Variants in RSPRY1 observed in about 807,000 individuals in gnomAD.
RSPRY1 encodes the protein RING finger and SPRY domain-containing protein 1.
In RSPRY1, 23 loss-of-function variants were observed where a neutral mutation model predicts 73.1. That is an observed-to-expected ratio of 0.31 (90% CI 0.23 to 0.45). The LOEUF (loss-of-function observed/expected upper bound fraction) is 0.45, where lower values mean the gene tolerates loss of function less well. Ranked by LOEUF, RSPRY1 falls within the 20% of genes least tolerant of loss-of-function variation. RSPRY1 has a pLI of 1.00. For missense variants in RSPRY1, 448 were observed against 698.7 expected (o/e 0.64, Z 4.05); for synonymous variants, 226 against 251.4 (o/e 0.90, Z 0.95).
intron 3 of RSPRY1, among the ~76,000 whole-genome samples, chr16:57,208,400 A>ATTT (rs1455912780): frequency 5.6e-4 from 28 of 50,118 alleles, no homozygotes; most frequent in African/African-American, 1.6e-3. Context: ...ATATATATAT[A>ATTT]TTTTTTTTTT....
At chr16:57,236,252 A>C (rs143640298) in intron 14 of RSPRY1, among the ~76,000 whole-genome samples, 1 of 152,318 alleles carries the variant, frequency 6.6e-6, no homozygotes, top group African/African-American at 2.4e-5. Context: ...GGTCTTAATC[A>C]TCTTTGAGCT....
At chr16:57,222,165 C>A (rs2075048291) in intron 10 of RSPRY1, among the ~76,000 whole-genome samples, 1 of 152,166 alleles carries the variant, frequency 6.6e-6, no homozygotes, top group Admixed American at 6.5e-5. Flanking sequence ...ATAATAGCCC[C>A]CCCCTCCAAT....
chr16:57,224,405 C>T (rs979575536), intron 10 of RSPRY1: 16 of 152,232 alleles, frequency 1.1e-4, no homozygotes, highest in African/African-American at 3.4e-4. Flanking sequence ...AGGAGAGTGT[C>T]CACCACGTGG....
intron 1 of RSPRY1, among the ~76,000 whole-genome samples, chr16:57,193,470 G>T (rs1408770742): frequency 1.3e-5 from 2 of 149,298 alleles, no homozygotes; most frequent in African/African-American, 4.9e-5. Context: ...GAAGATTGTG[G>T]TCTTTGGGGT....
chr16:57,187,158 C>T (rs2074230443), intron 1 of RSPRY1: 1 of 152,116 alleles, frequency 6.6e-6, no homozygotes, highest in African/African-American at 2.4e-5. Flanking sequence ...GGAATTATTC[C>T]CTCTCTCTGT....
At chr16:57,214,345 TCCCCC>T (rs2074900246) in intron 6 of RSPRY1, among the ~76,000 whole-genome samples, 1 of 152,124 alleles carries the variant, frequency 6.6e-6, no homozygotes, top group African/African-American at 2.4e-5. Flanking sequence ...CTCCCTGCCC[TCCCCC>T]TCACTGCTAC....
chr16:57,205,913 G>A (rs1169043383), intron 2 of RSPRY1, among the ~76,000 whole-genome samples: 1 of 152,144 alleles, frequency 6.6e-6, no homozygotes, highest in Non-Finnish European at 1.5e-5. Flanking sequence ...AGTTACTTAT[G>A]TGTTCTTTTT....
Position 57,217,080 on chromosome 16 carries a change from A to G in RSPRY1, c.901+45A>G, listed in dbSNP as rs1217729259. 4 of 1,610,316 alleles carry G rather than the reference A, an allele frequency of 2.5e-6. No homozygotes were observed. The South Asian group carries it at 3.3e-5, about 13-fold the overall frequency. ...TATTAAAATGTCCGTTTCCATTTCC[A>G]GACTCATTTCTTTCATAGGCTCACT... On this transcript the variant is annotated intron_variant, in intron 8 of 14. Transcript: ENST00000394420.
intron 8 of RSPRY1, among the ~76,000 whole-genome samples, chr16:57,217,307 G>A (rs898428013): frequency 2.0e-5 from 3 of 152,188 alleles, no homozygotes; most frequent in Non-Finnish European, 4.4e-5. Context: ...ATATGGCACT[G>A]TCTAACCAGC....
intron 5 of RSPRY1, among the ~76,000 whole-genome samples, chr16:57,213,615 T>C (rs2074886369): frequency 6.6e-6 from 1 of 152,206 alleles, no homozygotes; most frequent in Non-Finnish European, 1.5e-5. Flanking sequence ...CATCACGTAA[T>C]GTGGAAGAAA....
intron 13 of RSPRY1, among the ~76,000 whole-genome samples, chr16:57,234,673 G>T (rs187823194): frequency 6.6e-6 from 1 of 152,234 alleles, no homozygotes; most frequent in Non-Finnish European, 1.5e-5. Context: ...CTAACTTGAG[G>T]TGTTTGGACT....
rs2075033074 is a variant in RSPRY1, at chr16:57,221,382, C to T, written c.1128C>T (p.Gly376=). The T allele has an allele frequency of 6.2e-7, 1 of 1,614,002 alleles. No homozygotes were observed. The part of the protein sequence containing the change: ...TVVTSGVMQI[G]WATRDSKFLN... The stretch of plus-strand genomic sequence containing the variant: ...TCACTTCTGGCGTCATGCAGATTGG[C>T]TGGGCCACTCGAGACAGCAAATTCC... The change falls in exon 10 of 15, where the codon GGC becomes GGT. Residue 376 remains glycine, a synonymous_variant. Transcript: ENST00000394420.
At chr16:57,221,992 G>A (rs1329165099) in intron 10 of RSPRY1, among the ~76,000 whole-genome samples, 3 of 152,136 alleles carry the variant, frequency 2.0e-5, no homozygotes, top group Admixed American at 2.0e-4. Context: ...ATGATTTCTT[G>A]CCACTTTATA....
Position 57,238,992 on chromosome 16 carries a change from T to C in RSPRY1, c.*17T>C. 7.1e-7 allele frequency: 1 copy of C among 1,406,106 alleles called. No homozygotes were observed. The highest frequency in any genetic ancestry group is 9.9e-7 in the Non-Finnish European group (1 of 1,008,324). 87.1% of individuals were successfully genotyped at this position (1,406,106 alleles called of 1,614,324 possible). A position where few individuals can be genotyped will look rare whatever the true frequency, so the allele number is the denominator to read the frequency against. On this transcript the variant is annotated 3_prime_UTR_variant, in exon 15 of 15. Transcript: ENST00000394420. ...ATTTCATGACACATGTGAAGAGGCA[T>C]CGTGGACTTTTTTCTACTCAATTCC...
At chr16:57,205,378 C>G (rs2074705575) in intron 2 of RSPRY1, 1 of 190,168 alleles carries the variant, frequency 5.3e-6, no homozygotes, top group Non-Finnish European at 1.1e-5. Flanking sequence ...ACCTCAGATT[C>G]AAGGTAAGTT....
At chr16:57,192,958 T>A (rs569937166) in intron 1 of RSPRY1, among the ~76,000 whole-genome samples, 95 of 152,304 alleles carry the variant, frequency 6.2e-4, no homozygotes, top group Non-Finnish European at 1.0e-3. Flanking sequence ...TCAAGCTGTC[T>A]GCCTGCCTTG....
At chr16:57,235,075 A>G in intron 13 of RSPRY1, 49 bp from the exon 14 acceptor site, 1 of 1,348,222 alleles carries the variant, frequency 7.4e-7, no homozygotes, top group Non-Finnish European at 1.1e-6. Context: ...ATCACTGCTA[A>G]CAGGACCCCT....
Position 57,231,334 on chromosome 16 carries a change from C to G in RSPRY1, c.1529+15C>G. ...ATTTTGCCAAGGTAAGGAATCTGCC[C>G]AGGCTATCTCCAGACTTTCACATGA... On this transcript the variant is annotated intron_variant, in intron 13 of 14. Transcript: ENST00000394420. The G allele has an allele frequency of 1.2e-6, 2 of 1,603,196 alleles. No homozygotes were observed. The highest frequency in any genetic ancestry group is 1.7e-6 in the Non-Finnish European group (2 of 1,174,290).
chr16:57,239,468 A>T lies in RSPRY1; in HGVS notation c.*493A>T, dbSNP rs1200760058. 6 of 152,254 alleles carry T rather than the reference A, an allele frequency of 3.9e-5. No homozygotes were observed. The highest frequency in any genetic ancestry group is 3.9e-4 in the Admixed American group (6 of 15,286). 9.4% of individuals were successfully genotyped at this position (152,254 alleles called of 1,614,324 possible). A position where few individuals can be genotyped will look rare whatever the true frequency, so the allele number is the denominator to read the frequency against. On this transcript the variant is annotated 3_prime_UTR_variant, in exon 15 of 15. Transcript: ENST00000394420. ...TGCATTGCAAGACTTGAATCTATAA[A>T]AATTAGAATCACACAGTCAGTACTA... is the stretch of plus-strand genomic sequence containing the variant.
Sources: allele counts gnomAD v4.1 joint callset (sites outside exome capture counted in the v4.1 genomes callset), GRCh38; gene constraint gnomAD v4.1.1; transcripts MANE v1.5; gene names NCBI Gene and HGNC (gene_info 2026-07-23, HGNC 2026-07-21).